Variants in TMEM163 observed in about 807,000 individuals in gnomAD.
TMEM163 encodes transmembrane protein 163.
Under a neutral mutation model 29.3 loss-of-function variants are expected in TMEM163, and 17 were observed. The ratio of observed to expected loss-of-function variants is 0.58; its 90% CI spans 0.40 to 0.87. The LOEUF (loss-of-function observed/expected upper bound fraction) is 0.87. Among genes scored for constraint, TMEM163 ranks in the 40% least tolerant of loss-of-function variants. The pLI is 0.00. For synonymous variants in TMEM163, 157 were observed against 160.6 expected (o/e 0.98, Z 0.17); for missense variants, 303 against 381.5 (o/e 0.79, Z 1.71).
intron 2 of TMEM163, among the ~76,000 whole-genome samples, chr2:134,569,804 G>A (rs1681380599): frequency 6.6e-6 from 1 of 152,138 alleles, no homozygotes; most frequent in South Asian, 2.1e-4. Context: ...ACTATAGTAT[G>A]AAAATATTAA....
chr2:134,643,339 T>C (rs1683261653), intron 2 of TMEM163, among the ~76,000 whole-genome samples: 1 of 152,066 alleles, frequency 6.6e-6, no homozygotes. Flanking sequence ...AATCCATAAT[T>C]TACAATCCTT....
chr2:134,495,326 G>C (rs867462761), intron 5 of TMEM163, among the ~76,000 whole-genome samples: 1 of 152,186 alleles, frequency 6.6e-6, no homozygotes, highest in Non-Finnish European at 1.5e-5. Context: ...GGAGGGGAGC[G>C]GCCCTGAGTG....
At chr2:134,682,666 G>A (rs543283815) in intron 2 of TMEM163, among the ~76,000 whole-genome samples, 2 of 152,298 alleles carry the variant, frequency 1.3e-5, no homozygotes, top group African/African-American at 2.4e-5. Context: ...TAGGTGGAGC[G>A]ACAGGAACCC....
intron 2 of TMEM163, among the ~76,000 whole-genome samples, chr2:134,676,723 A>C (rs1684123428): frequency 6.6e-6 from 1 of 152,208 alleles, no homozygotes. Flanking sequence ...TTCTGCCTCT[A>C]TACATTTACC....
At chr2:134,581,105 G>T (rs1681680898) in intron 2 of TMEM163, among the ~76,000 whole-genome samples, 1 of 152,178 alleles carries the variant, frequency 6.6e-6, no homozygotes, top group African/African-American at 2.4e-5. Context: ...GGGCAGGAGG[G>T]CACTGAAGGG....
intron 4 of TMEM163, among the ~76,000 whole-genome samples, chr2:134,531,244 A>G (rs1456755459): frequency 6.6e-6 from 1 of 152,204 alleles, no homozygotes; most frequent in African/African-American, 2.4e-5. Flanking sequence ...TGTGGGTATG[A>G]GAAAACCAAA....
intron 3 of TMEM163, among the ~76,000 whole-genome samples, chr2:134,551,145 G>C (rs1246154846): frequency 6.6e-6 from 1 of 152,142 alleles, no homozygotes; most frequent in Non-Finnish European, 1.5e-5. Flanking sequence ...CAATGCTTTT[G>C]TTTGAATGAG....
chr2:134,516,230 C>T (rs1013924792), intron 4 of TMEM163, among the ~76,000 whole-genome samples: 3 of 152,040 alleles, frequency 2.0e-5, no homozygotes, highest in Admixed American at 6.6e-5. Context: ...ACAGGTCATC[C>T]AAGATGATAT....
At chr2:134,522,265 G>A (rs1040615445) in intron 4 of TMEM163, among the ~76,000 whole-genome samples, 5 of 152,242 alleles carry the variant, frequency 3.3e-5, no homozygotes, top group African/African-American at 1.2e-4. Flanking sequence ...TTTTCCACAA[G>A]AGGGAGAGAC....
chr2:134,603,658 A>G (rs1682285031), intron 2 of TMEM163, among the ~76,000 whole-genome samples: 2 of 152,052 alleles, frequency 1.3e-5, no homozygotes, highest in South Asian at 4.2e-4. Context: ...CATATCACAC[A>G]AGACCTCAGT....
At chr2:134,502,139 T>G (rs1390794591) in intron 5 of TMEM163, among the ~76,000 whole-genome samples, 2 of 152,220 alleles carry the variant, frequency 1.3e-5, no homozygotes, top group African/African-American at 4.8e-5. Context: ...CATTTTGGTC[T>G]TATATCAGAT....
chr2:134,504,720 T>C (rs1372962865), intron 4 of TMEM163, among the ~76,000 whole-genome samples: 1 of 152,174 alleles, frequency 6.6e-6, no homozygotes, highest in African/African-American at 2.4e-5. Context: ...GGCCCCATGA[T>C]CCACCAGGGG....
intron 1 of TMEM163, chr2:134,713,718 G>T (rs1684977582): frequency 2.2e-6 from 1 of 459,052 alleles, no homozygotes; most frequent in South Asian, 1.5e-5. Context: ...CCCACATTCA[G>T]CTGGGCCTTC....
intron 4 of TMEM163, among the ~76,000 whole-genome samples, chr2:134,506,278 T>G (rs1323466666): frequency 6.6e-6 from 1 of 152,222 alleles, no homozygotes; most frequent in African/African-American, 2.4e-5. Flanking sequence ...TCCACACTGC[T>G]GGGAGCCTGT....
chr2:134,668,101 A>T (rs1683906836), intron 2 of TMEM163, among the ~76,000 whole-genome samples: 1 of 152,212 alleles, frequency 6.6e-6, no homozygotes, highest in Non-Finnish European at 1.5e-5. Flanking sequence ...CCAAAACCCT[A>T]CAAACCAAAG....
rs1679921114 is a variant in TMEM163, at chr2:134,510,410, G to C, written c.459-7413C>G. Among the ~76,000 whole-genome samples, 3 of 152,146 alleles carry C rather than the reference G, an allele frequency of 2.0e-5. No individual in the cohort carries two copies. In the South Asian group the frequency reaches 6.2e-4, roughly 32 times the overall value. On this transcript the variant is annotated intron_variant, in intron 4 of 7. Transcript: ENST00000281924. ...GCAAAGGAGACCCATGATGTGATCT[G>C]GGCTTTGCAAAGACCCTCCTGACTA...
At chr2:134,520,395 C>T (rs1002987403) in intron 4 of TMEM163, among the ~76,000 whole-genome samples, 1 of 152,206 alleles carries the variant, frequency 6.6e-6, no homozygotes, top group Admixed American at 6.5e-5. Flanking sequence ...GCACAGTCCC[C>T]GGAACCTGTG....
intron 2 of TMEM163, among the ~76,000 whole-genome samples, chr2:134,639,882 T>C (rs1683189086): frequency 6.6e-6 from 1 of 152,198 alleles, no homozygotes; most frequent in Non-Finnish European, 1.5e-5. Context: ...AGGTCAGTAA[T>C]AGCATTAAAT....
At chr2:134,538,153 T>C (rs1338890522) in intron 4 of TMEM163, among the ~76,000 whole-genome samples, 1 of 152,188 alleles carries the variant, frequency 6.6e-6, no homozygotes, top group Non-Finnish European at 1.5e-5. Context: ...AGGGCTATGG[T>C]GTTAGGAGCT....
Sources: gnomAD v4.1 joint callset for allele counts (sites outside exome capture counted in the v4.1 genomes callset) on GRCh38, gnomAD v4.1.1 for gene constraint, MANE v1.5 for transcripts, NCBI Gene and HGNC (gene_info 2026-07-23, HGNC 2026-07-21) for gene names.